Variants in PLCL2 observed in about 807,000 individuals in gnomAD.
The protein encoded by PLCL2 is inactive phospholipase C-like protein 2.
A neutral mutation model predicts 79.6 loss-of-function variants in PLCL2; 4 were observed. That is an observed-to-expected ratio of 0.05 (90% confidence interval 0.02 to 0.11). The LOEUF is 0.11. PLCL2 is among the 10% of genes least tolerant of loss of function. The probability of loss-of-function intolerance (pLI) is 1.00; values close to 1 mark genes in which losing one functional copy is unlikely to be tolerated. For synonymous variants in PLCL2, 484 were observed against 457.7 expected (o/e 1.06, Z -0.73); for missense variants, 895 against 1,291.0 (o/e 0.69, Z 4.70).
chr3:17,032,038 T>G (rs2064589332), intron 3 of PLCL2, among the ~76,000 whole-genome samples: 1 of 151,952 alleles, frequency 6.6e-6, no homozygotes, highest in African/African-American at 2.4e-5. Flanking sequence ...TCTGTTTATT[T>G]CGTGAAATAA....
intron 1 of PLCL2, among the ~76,000 whole-genome samples, chr3:16,984,501 T>G (rs994407327): frequency 6.6e-5 from 10 of 152,160 alleles, no homozygotes; most frequent in African/African-American, 2.2e-4. Flanking sequence ...ATTTATCTGT[T>G]TGTATTAATC....
chr3:16,983,119 C>T (rs1559507806), intron 1 of PLCL2, among the ~76,000 whole-genome samples: 1 of 152,216 alleles, frequency 6.6e-6, no homozygotes, highest in Non-Finnish European at 1.5e-5. Flanking sequence ...TTCTCCCACA[C>T]TGCTAATTTC....
intron 1 of PLCL2, among the ~76,000 whole-genome samples, chr3:16,949,254 C>G (rs988023176): frequency 1.6e-4 from 25 of 151,954 alleles, no homozygotes; most frequent in Middle Eastern, 3.4e-3. Flanking sequence ...TCGATACTGC[C>G]AGGTTATCCT....
chr3:17,009,811 C>T lies in PLCL2; in HGVS notation c.465C>T (p.Asn155=). 1 of 1,613,774 alleles carries T rather than the reference C, an allele frequency of 6.2e-7. No homozygotes were observed. Among genetic ancestry groups the T allele is most frequent in the Non-Finnish European group, 8.5e-7 (1 of 1,179,716 alleles). ...EGSELKKVRS[N]SRIYHRYFLL... ...CAGAACTCAAAAAGGTTCGCTCCAA[C>T]TCTAGAATTTATCATAGGTACTTTT... Residue 155 remains asparagine (N), a synonymous_variant, in exon 2 of 6, where the codon AAC becomes AAT. Coordinates refer to ENST00000615277, the MANE Select transcript of PLCL2 (RefSeq NM_001144382.2). This position sits in a 1 kb window ranked among gnomAD's most constrained non-coding sequence, Gnocchi z 4.0.
rs188280809 is a variant in PLCL2 at position 17,012,201 on chromosome 3, A to C, written c.2814+41A>C. The C allele has an allele frequency of 1.2e-4, 179 of 1,545,586 alleles. 1 individual carries two copies. In the African/African-American group the frequency reaches 2.0e-3, roughly 18 times the overall value. On this transcript the variant is annotated intron_variant, in intron 2 of 5. Coordinates refer to ENST00000615277, the MANE Select transcript of PLCL2 (RefSeq NM_001144382.2). ...TAATCATTTACTCAATGGTTTTCCT[A>C]CTTTGTACATGTCCATAGTTTATAA... is the stretch of plus-strand genomic sequence containing the variant.
chr3:16,931,663 C>G (rs1014271601), intron 1 of PLCL2, among the ~76,000 whole-genome samples: 12 of 152,104 alleles, frequency 7.9e-5, no homozygotes, highest in African/African-American at 2.9e-4. Flanking sequence ...CGGTTGCTGC[C>G]ATTTATTACG....
chr3:17,044,947 G>T (rs1481898871), intron 4 of PLCL2, among the ~76,000 whole-genome samples: 1 of 152,128 alleles, frequency 6.6e-6, no homozygotes, highest in African/African-American at 2.4e-5. Flanking sequence ...ACTGTGTAAT[G>T]GTTCAAGTTG....
At chr3:16,896,155 AT>A in intron 1 of PLCL2, among the ~76,000 whole-genome samples, 1 of 152,350 alleles carries the variant, frequency 6.6e-6, no homozygotes, top group South Asian at 2.1e-4. Context: ...TCAGATACCA[AT>A]TGGTTACTTC....
Position 16,974,953 on chromosome 3 carries a change from C to T in PLCL2, c.328-34721C>T, listed in dbSNP as rs189680311. ...GACACTTGGAATTCCTCCGGAGTCT[C>T]CTGCTTCTGTTTAGTTTCGGTTCTG... On this transcript the variant is annotated intron_variant, in intron 1 of 5. Transcript: ENST00000615277. Among the ~76,000 whole-genome samples the T allele has an allele frequency of 2.8e-3, 430 of 152,264 alleles. 1 individual carries two copies. The highest frequency in any genetic ancestry group is 4.7e-3 in the Non-Finnish European group (322 of 68,030).
At position 17,014,652 on chromosome 3, in the gene PLCL2, A is replaced by C. The variant is rs1204553085; in HGVS notation, c.2815-56A>C. On this transcript the variant is annotated intron_variant, in intron 2 of 5. Coordinates refer to ENST00000615277, the MANE Select transcript of PLCL2 (RefSeq NM_001144382.2). ...ATCAGATATATCAAATATAATATCCATGAGAAAGTAAAACCCCCAGTTAAT... is the reference window on the plus strand; with the variant it reads ...ATCAGATATATCAAATATAATATCCCTGAGAAAGTAAAACCCCCAGTTAAT... The C allele has an allele frequency of 3.1e-6, 4 of 1,310,222 alleles. No individual in the cohort carries two copies. The African/African-American group carries it at 5.8e-5, about 19-fold the overall frequency. The allele number at this position is 1,310,222 out of a possible 1,614,324, so 81.2% of individuals were successfully genotyped here.
At chr3:17,069,375 A>C (rs571980797) in intron 5 of PLCL2, among the ~76,000 whole-genome samples, 3 of 152,230 alleles carry the variant, frequency 2.0e-5, no homozygotes, top group South Asian at 2.1e-4. Flanking sequence ...TTCTTCTGTA[A>C]ATTTTAGTCT....
rs570775691 is a variant in PLCL2, at chr3:17,032,474, G to A, written c.3019-10400G>A. Among the ~76,000 whole-genome samples the A allele has an allele frequency of 6.3e-4, 96 of 152,098 alleles. 1 individual carries two copies. The South Asian group carries it at 0.014, about 22-fold the overall frequency. On this transcript the variant is annotated intron_variant, in intron 3 of 5. Coordinates refer to ENST00000615277, the MANE Select transcript of PLCL2 (RefSeq NM_001144382.2). ...TAAGCTCTGCCTCTGTGATTTTGTCGATTTTTTTTCTTTTAATCCTGTAGA... is the reference window on the plus strand; with the variant it reads ...TAAGCTCTGCCTCTGTGATTTTGTCAATTTTTTTTCTTTTAATCCTGTAGA...
intron 1 of PLCL2, among the ~76,000 whole-genome samples, chr3:16,983,544 C>A (rs1380788162): frequency 1.3e-5 from 2 of 152,152 alleles, no homozygotes; most frequent in Non-Finnish European, 2.9e-5. Context: ...GTGGCCGGCA[C>A]CTGTAATCCC....
At chr3:16,893,919 T>G (rs1696409992) in intron 1 of PLCL2, among the ~76,000 whole-genome samples, 1 of 152,174 alleles carries the variant, frequency 6.6e-6, no homozygotes, top group South Asian at 2.1e-4. Flanking sequence ...CAGAGACTGA[T>G]GGACTGATGG....
rs760193424 is a variant in PLCL2 at position 17,010,195 on chromosome 3, C to T, written c.849C>T (p.Asn283=). 5 of 1,614,022 alleles carry T rather than the reference C, an allele frequency of 3.1e-6. No homozygotes were observed. The African/African-American group carries it at 5.3e-5, about 17-fold the overall frequency. The change falls in exon 2 of 6, where the codon AAC becomes AAT. Residue 283 remains asparagine (N), a synonymous_variant. Transcript: ENST00000615277. This position sits in a 1 kb window ranked among gnomAD's most constrained non-coding sequence, Gnocchi z 5.8. ...SQMFSEIDVD[N]LGHITLCNAV... ...TGTTTAGTGAAATTGATGTAGATAA[C>T]CTTGGACATATAACTCTGTGTAATG...
At chr3:16,934,179 C>T (rs193003719) in intron 1 of PLCL2, among the ~76,000 whole-genome samples, 2 of 152,270 alleles carry the variant, frequency 1.3e-5, no homozygotes, top group East Asian at 1.9e-4. Context: ...AGAAGTGACC[C>T]GAGACACCTG....
chr3:17,041,549 CA>C (rs1277327322), intron 3 of PLCL2, among the ~76,000 whole-genome samples: 3 of 151,996 alleles, frequency 2.0e-5, no homozygotes, highest in Non-Finnish European at 4.4e-5. Flanking sequence ...TGTAACTTAC[CA>C]AAAATATGGT....
intron 1 of PLCL2, among the ~76,000 whole-genome samples, chr3:16,966,442 GC>G (rs1428814651): frequency 6.6e-6 from 1 of 152,016 alleles, no homozygotes; most frequent in Non-Finnish European, 1.5e-5. Flanking sequence ...GAGGATTTTT[GC>G]ATCAATGTTC....
chr3:17,040,923 T>C lies in PLCL2; in HGVS notation c.3019-1951T>C, dbSNP rs74996846. ...ATGACTGGGTTCATTTCCTTGATCA[T>C]ATTTTTTTTTCCTTCTCCTATTTGA... On this transcript the variant is annotated intron_variant, in intron 3 of 5. Transcript: ENST00000615277. Among the ~76,000 whole-genome samples, 4 of 152,248 alleles carry C rather than the reference T, an allele frequency of 2.6e-5. No individual in the cohort carries two copies. The East Asian group carries it at 5.8e-4, about 22-fold the overall frequency.
Sources: gnomAD v4.1 joint callset for allele counts (sites outside exome capture counted in the v4.1 genomes callset) on GRCh38, gnomAD v4.1.1 for gene constraint, Gnocchi (gnomAD v3.1) non-coding constraint, MANE v1.5 for transcripts, NCBI Gene and HGNC (gene_info 2026-07-23, HGNC 2026-07-21) for gene names.